CC2D2A: variants seen among roughly 807,000 people sequenced by gnomAD.
CC2D2A encodes the protein coiled-coil and C2 domain-containing protein 2A.
A neutral mutation model predicts 212.9 loss-of-function variants in CC2D2A; 155 were observed. That is an observed-to-expected ratio of 0.73 (90% CI 0.64 to 0.83). The LOEUF (loss-of-function observed/expected upper bound fraction) is 0.83, where lower values mean the gene tolerates loss of function less well. CC2D2A is among the 40% of genes least tolerant of loss of function. The pLI is 0.00. For missense variants in CC2D2A, 1,856 were observed against 1,956.2 expected (o/e 0.95, Z 0.97); for synonymous variants, 667 against 686.5 (o/e 0.97, Z 0.44).
At chr4:15,552,481 C>A (rs1308122296) in intron 18 of CC2D2A, among the ~76,000 whole-genome samples, 1 of 152,180 alleles carries the variant, frequency 6.6e-6, no homozygotes, top group Non-Finnish European at 1.5e-5. Context: ...CTCTCCAAAG[C>A]ACAAATTTTC....
At chr4:15,590,024 C>T (rs1438086679) in intron 33 of CC2D2A, among the ~76,000 whole-genome samples, 3 of 152,076 alleles carry the variant, frequency 2.0e-5, no homozygotes, top group East Asian at 3.9e-4. Context: ...ATTTCTAATT[C>T]GTAGTGTTTT....
At chr4:15,532,072 T>C (rs1385991408) in intron 13 of CC2D2A, among the ~76,000 whole-genome samples, 1 of 152,178 alleles carries the variant, frequency 6.6e-6, no homozygotes. Context: ...GGGAAGTAGC[T>C]TACCCAATCC....
At chr4:15,476,866 A>G (rs1483381362) in intron 2 of CC2D2A, among the ~76,000 whole-genome samples, 2 of 152,240 alleles carry the variant, frequency 1.3e-5, no homozygotes, top group Non-Finnish European at 2.9e-5. Flanking sequence ...AAGAGAGAGT[A>G]TTCCTCTCAA....
intron 19 of CC2D2A, among the ~76,000 whole-genome samples, chr4:15,553,665 A>ATGATTGG (rs1719122421): frequency 6.6e-6 from 1 of 152,164 alleles, no homozygotes; most frequent in African/African-American, 2.4e-5. Flanking sequence ...GTTGCTAATG[A>ATGATTGG]TGATTGGTGT....
intron 33 of CC2D2A, among the ~76,000 whole-genome samples, chr4:15,592,715 T>C (rs1721164797): frequency 6.6e-6 from 1 of 152,198 alleles, no homozygotes; most frequent in Non-Finnish European, 1.5e-5. Context: ...TTATTATTAA[T>C]TGTGGCTCTA....
intron 33 of CC2D2A, among the ~76,000 whole-genome samples, chr4:15,590,464 G>A (rs959417950): frequency 6.6e-6 from 1 of 152,130 alleles, no homozygotes; most frequent in Non-Finnish European, 1.5e-5. Context: ...GCAACGAGCT[G>A]AGATGGAGCC....
chr4:15,571,925 A>G (rs772644808), intron 28 of CC2D2A, among the ~76,000 whole-genome samples: 3 of 152,160 alleles, frequency 2.0e-5, no homozygotes, highest in Non-Finnish European at 2.9e-5. Flanking sequence ...TATTCTGGTA[A>G]TATCTGTGCT....
chr4:15,553,383 A>G (rs1443321546), intron 19 of CC2D2A, 78 bp downstream of exon 19: 4 of 1,472,142 alleles, frequency 2.7e-6, no homozygotes, highest in Non-Finnish European at 3.7e-6. Flanking sequence ...GAAAGCTTGC[A>G]GTATCATATT....
At position 15,553,929 on chromosome 4, in the gene CC2D2A, A is replaced by G. The variant is rs1353461547; in HGVS notation, c.2486+624A>G. ...CAATCATTTCACCATTCCAGGCCTC[A>G]GTTGCCTCATCTCTAAAATAAAAGG... On this transcript the variant is annotated intron_variant, in intron 19 of 36. Coordinates refer to ENST00000424120, the MANE Select transcript of CC2D2A (RefSeq NM_001378615.1). Among the ~76,000 whole-genome samples the G allele has an allele frequency of 3.3e-5, 5 of 152,208 alleles. No homozygotes were observed. In the East Asian group the frequency reaches 9.6e-4, roughly 29 times the overall value.
intron 11 of CC2D2A, among the ~76,000 whole-genome samples, chr4:15,518,757 C>T (rs1210852118): frequency 6.6e-6 from 1 of 152,256 alleles, no homozygotes; most frequent in Non-Finnish European, 1.5e-5. Context: ...GGCTTGCACC[C>T]TCTAAAGCCA....
chr4:15,510,403 C>G (rs570400197), intron 7 of CC2D2A, among the ~76,000 whole-genome samples, 163 bp downstream of exon 7: 1 of 152,216 alleles, frequency 6.6e-6, no homozygotes, highest in Admixed American at 6.5e-5. Context: ...CAAGACCAGC[C>G]TGGACAACAT....
intron 6 of CC2D2A, among the ~76,000 whole-genome samples, chr4:15,507,777 C>T (rs957590169): frequency 1.5e-4 from 23 of 152,256 alleles, no homozygotes; most frequent in South Asian, 4.1e-4. Context: ...ACAGTGGCCT[C>T]GGACAAAGTC....
At chr4:15,575,313 G>A (rs1392835688) in intron 29 of CC2D2A, among the ~76,000 whole-genome samples, 1 of 152,186 alleles carries the variant, frequency 6.6e-6, no homozygotes, top group Non-Finnish European at 1.5e-5. Flanking sequence ...AATTTATGCA[G>A]GGTGACATAG....
Position 15,567,665 on chromosome 4 carries a change from CTTGATT to C in CC2D2A, c.3289-9_3289-4del. On this transcript the variant is annotated splice_polypyrimidine_tract_variant and splice_region_variant and intron_variant, in intron 25 of 36. Transcript: ENST00000424120. The stretch of plus-strand genomic sequence containing the variant: ...AACCATTGGGAACTCAGAATTTGCT[CTTGATT>C]TTAAGGTTTTAGTACGTCCCTTTGT... The C allele has an allele frequency of 1.9e-6, 3 of 1,576,284 alleles. No individual in the cohort carries two copies. The highest frequency in any genetic ancestry group is 1.2e-5 in the South Asian group (1 of 84,456).
At chr4:15,598,858 A>G (rs974171151) in intron 35 of CC2D2A, among the ~76,000 whole-genome samples, 1 of 152,154 alleles carries the variant, frequency 6.6e-6, no homozygotes, top group African/African-American at 2.4e-5. Flanking sequence ...TAGTCATAAC[A>G]TTTCAAAAAA....
Position 15,573,510 on chromosome 4 carries a change from CAAACTCCT to C in CC2D2A, c.3595-639_3595-632del, listed in dbSNP as rs1433615741. On this transcript the variant is annotated intron_variant, in intron 28 of 36. Coordinates refer to ENST00000424120, the MANE Select transcript of CC2D2A (RefSeq NM_001378615.1). Reference sequence around the variant, plus strand: ...TTCACCTTGTTGGCCAGGCTTGTCTCAAACTCCTGACCTCAAGTGCTCTACCTGCCTCG... The same window carrying C: ...TTCACCTTGTTGGCCAGGCTTGTCTCGACCTCAAGTGCTCTACCTGCCTCG... Among the ~76,000 whole-genome samples the C allele has an allele frequency of 2.0e-5, 3 of 152,240 alleles. No homozygotes were observed. In the East Asian group the frequency reaches 5.8e-4, roughly 29 times the overall value.
At chr4:15,540,501 T>A (rs1718369771) in intron 16 of CC2D2A, among the ~76,000 whole-genome samples, 1 of 152,220 alleles carries the variant, frequency 6.6e-6, no homozygotes, top group Admixed American at 6.5e-5. Flanking sequence ...ATCCCCTTTG[T>A]CTTGAATTTA....
chr4:15,532,043 A>G (rs1247654411), intron 13 of CC2D2A, among the ~76,000 whole-genome samples: 1 of 152,150 alleles, frequency 6.6e-6, no homozygotes, highest in East Asian at 1.9e-4. Flanking sequence ...TACCCATTTT[A>G]CAGATGTGAG....
intron 11 of CC2D2A, chr4:15,519,648 T>C (rs572541243): frequency 3.2e-5 from 14 of 431,554 alleles, no homozygotes; most frequent in Admixed American, 1.8e-4. Flanking sequence ...CTCACAATCA[T>C]GGTGGAAGAC....
Sources: allele counts gnomAD v4.1 joint callset (sites outside exome capture counted in the v4.1 genomes callset), GRCh38; gene constraint gnomAD v4.1.1; transcripts MANE v1.5; gene names NCBI Gene and HGNC (gene_info 2026-07-23, HGNC 2026-07-21).